Variants in CNTNAP2 observed in about 807,000 individuals in gnomAD.
The protein encoded by CNTNAP2 is contactin-associated protein-like 2.
CNTNAP2 carries 98 observed loss-of-function variants against 155.2 expected under a neutral mutation model. The observed-to-expected ratio is 0.63, with a 90% CI of 0.54 to 0.75. The LOEUF is 0.75. Among genes scored for constraint, CNTNAP2 ranks in the 30% least tolerant of loss-of-function variants. The pLI, the probability that CNTNAP2 is intolerant of heterozygous loss-of-function variation, is 0.00. For missense variants in CNTNAP2, 1,727 were observed against 1,688.1 expected (o/e 1.02, Z -0.40); for synonymous variants, 651 against 631.2 (o/e 1.03, Z -0.47).
intron 3 of CNTNAP2, among the ~76,000 whole-genome samples, chr7:146,948,482 T>C (rs1797238535): frequency 1.3e-5 from 2 of 152,180 alleles, no homozygotes; most frequent in Non-Finnish European, 2.9e-5. Flanking sequence ...ATCTCTATAC[T>C]TTTATAAATT....
At chr7:148,391,149 G>T (rs998657618) in intron 22 of CNTNAP2, among the ~76,000 whole-genome samples, 1 of 152,158 alleles carries the variant, frequency 6.6e-6, no homozygotes, top group Non-Finnish European at 1.5e-5. Context: ...ACAGGCTTCT[G>T]GTTAGTGCCT....
intron 1 of CNTNAP2, among the ~76,000 whole-genome samples, chr7:146,246,250 A>G (rs1481582252): frequency 2.7e-5 from 4 of 150,612 alleles, no homozygotes; most frequent in Admixed American, 6.6e-5. Flanking sequence ...GTAATACAAG[A>G]GGAGGACGCA....
chr7:146,621,018 A>C (rs975618747), intron 1 of CNTNAP2, among the ~76,000 whole-genome samples: 1 of 152,144 alleles, frequency 6.6e-6, no homozygotes, highest in African/African-American at 2.4e-5. Flanking sequence ...AGCTTTCCTC[A>C]TTTAGCTACA....
At chr7:146,943,580 ATC>A (rs1797099046) in intron 3 of CNTNAP2, among the ~76,000 whole-genome samples, 1 of 152,216 alleles carries the variant, frequency 6.6e-6, no homozygotes, top group African/African-American at 2.4e-5. Context: ...AAGTTACATC[ATC>A]TGTTTACAAG....
chr7:148,018,713 C>G (rs1802225535), intron 15 of CNTNAP2, among the ~76,000 whole-genome samples: 1 of 152,208 alleles, frequency 6.6e-6, no homozygotes. Flanking sequence ...ACAATGGCTT[C>G]CAGCCCAGAC....
intron 21 of CNTNAP2, among the ~76,000 whole-genome samples, chr7:148,367,295 G>A (rs1373527791): frequency 6.6e-6 from 1 of 152,062 alleles, no homozygotes; most frequent in East Asian, 1.9e-4. Flanking sequence ...TATCCATGGG[G>A]TTCAGTAGGC....
At chr7:147,273,991 A>G (rs1406510323) in intron 8 of CNTNAP2, among the ~76,000 whole-genome samples, 1 of 148,060 alleles carries the variant, frequency 6.8e-6, no homozygotes, top group Non-Finnish European at 1.5e-5. Context: ...GTTATGTAGT[A>G]TATATTACAT....
intron 3 of CNTNAP2, among the ~76,000 whole-genome samples, chr7:146,902,737 C>G (rs574797380): frequency 6.6e-6 from 1 of 152,324 alleles, no homozygotes; most frequent in African/African-American, 2.4e-5. Context: ...AATGTTCCGT[C>G]TCATGAGCTG....
intron 2 of CNTNAP2, among the ~76,000 whole-genome samples, chr7:146,807,864 A>C (rs1220715315): frequency 4.6e-5 from 7 of 152,068 alleles, no homozygotes; most frequent in East Asian, 1.9e-4. Context: ...CTGTCTGCCC[A>C]CTCCTTCCTT....
intron 8 of CNTNAP2, among the ~76,000 whole-genome samples, chr7:147,249,288 A>G (rs1357196852): frequency 6.6e-6 from 1 of 152,042 alleles, no homozygotes; most frequent in Non-Finnish European, 1.5e-5. Context: ...TGGGCCACTG[A>G]GTGTTATTTT....
intron 12 of CNTNAP2, among the ~76,000 whole-genome samples, chr7:147,564,770 C>T (rs10250939): frequency 1.3e-5 from 2 of 151,892 alleles, no homozygotes; most frequent in East Asian, 3.9e-4. Flanking sequence ...AACAGCATGG[C>T]TGCAATTTAA....
chr7:146,552,189 TAA>T (rs1168474566), intron 1 of CNTNAP2, among the ~76,000 whole-genome samples: 1 of 152,146 alleles, frequency 6.6e-6, no homozygotes, highest in Non-Finnish European at 1.5e-5. Context: ...TACTATTGTA[TAA>T]AGTTTTCTTC....
intron 8 of CNTNAP2, among the ~76,000 whole-genome samples, chr7:147,190,788 C>T (rs1802664182): frequency 6.6e-6 from 1 of 152,148 alleles, no homozygotes; most frequent in African/African-American, 2.4e-5. Flanking sequence ...ACTATGTCAC[C>T]GTTAGCCAGA....
chr7:146,561,422 G>C (rs1397089921), intron 1 of CNTNAP2, among the ~76,000 whole-genome samples: 1 of 152,104 alleles, frequency 6.6e-6, no homozygotes, highest in Non-Finnish European at 1.5e-5. Context: ...TGGAAAGCCA[G>C]TGCAGGTGAA....
chr7:147,951,384 C>G (rs1800927762), intron 14 of CNTNAP2, among the ~76,000 whole-genome samples: 1 of 152,122 alleles, frequency 6.6e-6, no homozygotes, highest in South Asian at 2.1e-4. Context: ...TCATGACTGA[C>G]CATCAGTAGG....
At chr7:146,136,569 G>A (rs1364370210) in intron 1 of CNTNAP2, among the ~76,000 whole-genome samples, 1 of 152,074 alleles carries the variant, frequency 6.6e-6, no homozygotes, top group African/African-American at 2.4e-5. Context: ...GGGCACCAGG[G>A]GTGGTAGAGA....
intron 8 of CNTNAP2, among the ~76,000 whole-genome samples, chr7:147,247,659 TA>T (rs1385921530): frequency 6.6e-6 from 1 of 152,158 alleles, no homozygotes; most frequent in Admixed American, 6.6e-5. Flanking sequence ...ACATTGCTGT[TA>T]AAAAAATCTG....
intron 9 of CNTNAP2, among the ~76,000 whole-genome samples, chr7:147,330,045 T>C (rs1795529814): frequency 6.6e-6 from 1 of 152,166 alleles, no homozygotes. Flanking sequence ...AAAGAGTTTC[T>C]TTTGATCACA....
intron 1 of CNTNAP2, among the ~76,000 whole-genome samples, chr7:146,286,623 A>C (rs1800341489): frequency 6.6e-6 from 1 of 152,166 alleles, no homozygotes; most frequent in Non-Finnish European, 1.5e-5. Context: ...ACTTCCTGTC[A>C]TTCCTGAGAC....
Sources: allele counts gnomAD v4.1 joint callset (sites outside exome capture counted in the v4.1 genomes callset), GRCh38; gene constraint gnomAD v4.1.1; transcripts MANE v1.5; gene names NCBI Gene and HGNC (gene_info 2026-07-23, HGNC 2026-07-21).